Variants in RC3H1 observed in about 807,000 individuals in gnomAD.
RC3H1 encodes the protein roquin-1.
A neutral mutation model predicts 138.2 loss-of-function variants in RC3H1; 50 were observed. The observed-to-expected ratio is 0.36, with a 90% CI of 0.29 to 0.46. The LOEUF (loss-of-function observed/expected upper bound fraction) is 0.46. Among genes scored for constraint, RC3H1 ranks in the 20% least tolerant of loss-of-function variants. The pLI, the probability that RC3H1 is intolerant of heterozygous loss-of-function variation, is 1.00. For missense variants in RC3H1, 1,031 were observed against 1,388.1 expected (o/e 0.74, Z 4.09); for synonymous variants, 462 against 489.1 (o/e 0.94, Z 0.73).
intron 2 of RC3H1, among the ~76,000 whole-genome samples, chr1:173,989,085 G>A (rs898010414): frequency 6.6e-6 from 1 of 152,218 alleles, no homozygotes; most frequent in Non-Finnish European, 1.5e-5. Flanking sequence ...CTACAGCGTA[G>A]TGCTGCGATC....
intron 9 of RC3H1, among the ~76,000 whole-genome samples, 182 bp from the exon 10 acceptor site, chr1:173,965,302 T>C (rs1241347526): frequency 6.6e-6 from 1 of 152,120 alleles, no homozygotes; most frequent in South Asian, 2.1e-4. Flanking sequence ...CTCATAAAAA[T>C]GTGTAACATA....
At chr1:173,978,745 C>T in intron 6 of RC3H1, 125 bp from the exon 7 acceptor site, 1 of 1,004,302 alleles carries the variant, frequency 1.0e-6, no homozygotes, top group African/African-American at 1.6e-5. Context: ...ATACCCTACA[C>T]TTTGGCCAGA....
chr1:173,964,394 C>G (rs1660013390), intron 10 of RC3H1, among the ~76,000 whole-genome samples: 2 of 151,688 alleles, frequency 1.3e-5, no homozygotes, highest in African/African-American at 4.8e-5. Context: ...CTCTGTTGCT[C>G]TGTCGCTCTG....
intron 1 of RC3H1, among the ~76,000 whole-genome samples, chr1:174,004,270 C>A (rs1661613387): frequency 6.6e-6 from 1 of 151,456 alleles, no homozygotes. Flanking sequence ...CACCAACACA[C>A]CTGGTTAGTT....
At chr1:173,942,571 A>G (rs12085939) in intron 18 of RC3H1, among the ~76,000 whole-genome samples, 43,873 of 151,858 alleles carry the variant, frequency 0.29, 11,338 homozygotes, top group African/African-American at 0.7. Context: ...GGTGGCTCAC[A>G]CCTGTAATCC....
chr1:174,017,783 C>CCA (rs1165317766), intron 1 of RC3H1, among the ~76,000 whole-genome samples: 3 of 72,036 alleles, frequency 4.2e-5, no homozygotes, highest in African/African-American at 1.7e-4. Context: ...TTTTCTTGCT[C>CCA]AAAAAAAAAA....
intron 7 of RC3H1, among the ~76,000 whole-genome samples, chr1:173,978,051 A>G (rs1660658382): frequency 6.6e-6 from 1 of 152,218 alleles, no homozygotes; most frequent in Non-Finnish European, 1.5e-5. Flanking sequence ...GGAGCAGAAA[A>G]AGCCTAAGTA....
rs201478611 is a variant in RC3H1, at chr1:174,019,636, T to G, written c.-151+2460A>C. Reference sequence around the variant, plus strand: ...AAATCAAGCATATATTAACTTTTAATATTACCAAGAAAATATAAATCTAAT... The same window carrying G: ...AAATCAAGCATATATTAACTTTTAAGATTACCAAGAAAATATAAATCTAAT... On this transcript the variant is annotated intron_variant, in intron 1 of 19. Coordinates refer to ENST00000367696, the MANE Select transcript of RC3H1 (RefSeq NM_172071.4). Among the ~76,000 whole-genome samples the G allele has an allele frequency of 3.9e-5, 6 of 152,346 alleles. No individual in the cohort carries two copies. The East Asian group carries it at 1.2e-3, about 29-fold the overall frequency.
intron 1 of RC3H1, among the ~76,000 whole-genome samples, chr1:174,002,698 T>C (rs1485800998): frequency 1.8e-4 from 28 of 152,196 alleles, no homozygotes; most frequent in Admixed American, 1.8e-3. Flanking sequence ...TCTTTCTATA[T>C]AGCATTTAAT....
At chr1:173,994,504 T>C (rs1195920851) in intron 1 of RC3H1, among the ~76,000 whole-genome samples, 1 of 152,168 alleles carries the variant, frequency 6.6e-6, no homozygotes, top group Non-Finnish European at 1.5e-5. Flanking sequence ...GACAGACTCA[T>C]ACAAATTTTT....
At chr1:174,020,134 A>AG (rs1265560840) in intron 1 of RC3H1, among the ~76,000 whole-genome samples, 1 of 15,972 alleles carries the variant, frequency 6.3e-5, no homozygotes, top group East Asian at 1.3e-3. Flanking sequence ...AAATTAGCAC[A>AG]GAAAAAAAAA....
intron 1 of RC3H1, among the ~76,000 whole-genome samples, chr1:173,994,475 G>C (rs909840138): frequency 2.6e-5 from 4 of 152,150 alleles, no homozygotes; most frequent in Admixed American, 6.5e-5. Context: ...TGTTTCCTCT[G>C]TATTTATACC....
At position 174,014,996 on chromosome 1, in the gene RC3H1, G is replaced by A. The variant is rs115692338; in HGVS notation, c.-151+7100C>T. On this transcript the variant is annotated intron_variant, in intron 1 of 19. Transcript: ENST00000367696. ...TAATGATATACTCAGAGTCTAATGA[G>A]GTGTTGTATAGGTAACTGCTGTCCC... Among the ~76,000 whole-genome samples, 731 of 152,264 alleles carry A rather than the reference G, an allele frequency of 4.8e-3. 7 individuals carry two copies. Among genetic ancestry groups the A allele is most frequent in the African/African-American group, 0.017 (687 of 41,560 alleles).
intron 1 of RC3H1, among the ~76,000 whole-genome samples, chr1:174,005,295 G>A (rs1469501353): frequency 6.6e-6 from 1 of 152,132 alleles, no homozygotes. Context: ...GTGGCCTCAG[G>A]GGAGACTAGC....
In RC3H1 at chr1:173,943,469, G is replaced by C. The variant is rs753016379; in HGVS notation, c.3108C>G (p.Ile1036Met). The C allele has an allele frequency of 1.9e-6, 3 of 1,613,098 alleles. No individual in the cohort carries two copies. The African/African-American group carries it at 4.0e-5, about 22-fold the overall frequency. Residue 1036 changes from isoleucine (I) to methionine (M), a missense_variant, in exon 18 of 20, where the codon ATC becomes ATG. Physicochemically the swap from Ile to Met is conservative, Grantham distance 10 (BLOSUM62 1). Coordinates refer to ENST00000367696, the MANE Select transcript of RC3H1 (RefSeq NM_172071.4). ...SLELHQVERE[I>M]GKRTRELSME... The stretch of plus-strand genomic sequence containing the variant: ...TACTCAGTTCCCGTGTTCTCTTCCC[G>C]ATTTCCCTTTCCACCTGGTGCAGTT...
rs938292316 is a variant in RC3H1, at chr1:174,010,969, G to A, written c.-151+11127C>T. Among the ~76,000 whole-genome samples the A allele has an allele frequency of 6.6e-5, 10 of 152,288 alleles. No homozygotes were observed. In the East Asian group the frequency reaches 1.9e-3, roughly 29 times the overall value. ...GGATTAATTAATGAATGTCAATCAT[G>A]GGGGAATAGGTGCTACCACTTCACT... On this transcript the variant is annotated intron_variant, in intron 1 of 19. Coordinates refer to ENST00000367696, the MANE Select transcript of RC3H1 (RefSeq NM_172071.4).
chr1:173,960,601 T>C (rs1659830471), intron 13 of RC3H1, among the ~76,000 whole-genome samples: 1 of 152,138 alleles, frequency 6.6e-6, no homozygotes, highest in South Asian at 2.1e-4. Flanking sequence ...TCTGATGTAA[T>C]CCTAATCAAA....
intron 13 of RC3H1, among the ~76,000 whole-genome samples, chr1:173,955,027 C>G (rs1394493412): frequency 6.6e-6 from 1 of 151,316 alleles, no homozygotes; most frequent in Non-Finnish European, 1.5e-5. Flanking sequence ...GAGATCGAGA[C>G]CATCCTGGCT....
intron 14 of RC3H1, among the ~76,000 whole-genome samples, chr1:173,950,745 G>A (rs922399856): frequency 1.3e-5 from 2 of 151,444 alleles, no homozygotes; most frequent in African/African-American, 4.9e-5. Context: ...AGGGAATTAA[G>A]ATACTATCCA....
Sources: allele counts gnomAD v4.1 joint callset (sites outside exome capture counted in the v4.1 genomes callset), GRCh38; gene constraint gnomAD v4.1.1; transcripts MANE v1.5; gene names NCBI Gene and HGNC (gene_info 2026-07-23, HGNC 2026-07-21).